Variants in NCF2 observed in about 807,000 individuals in gnomAD.
The protein encoded by NCF2 is neutrophil cytosol factor 2.
NCF2 carries 45 observed loss-of-function variants against 70.9 expected under a neutral mutation model. The observed-to-expected ratio is 0.63, with a 90% CI of 0.50 to 0.81. The LOEUF (loss-of-function observed/expected upper bound fraction) is 0.81. Among genes scored for constraint, NCF2 ranks in the 40% least tolerant of loss-of-function variants. NCF2 has a pLI of 0.00. For synonymous variants in NCF2, 203 were observed against 233.6 expected, an observed-to-expected ratio of 0.87 and a Z score of 1.19; for missense variants, 522 against 631.6, an observed-to-expected ratio of 0.83 and a Z score of 1.86.
chr1:183,567,897 C>T (rs1162944840), intron 7 of NCF2, among the ~76,000 whole-genome samples: 1 of 152,158 alleles, frequency 6.6e-6, no homozygotes, highest in East Asian at 1.9e-4. Context: ...TGCCGTGGTG[C>T]AGTGTCGGTT....
At chr1:183,562,192 C>T (rs2102880069) in intron 13 of NCF2, among the ~76,000 whole-genome samples, 1 of 152,140 alleles carries the variant, frequency 6.6e-6, no homozygotes, top group Non-Finnish European at 1.5e-5. Flanking sequence ...TGGCTATGTG[C>T]AGCCACCAAA....
intron 11 of NCF2, 168 bp from the exon 12 acceptor site, chr1:183,563,753 A>T: frequency 1.1e-6 from 1 of 875,260 alleles, no homozygotes; most frequent in Non-Finnish European, 1.8e-6. Context: ...GAGGTCCTTT[A>T]GCCCAACCCT....
At chr1:183,599,582 C>T in the NCF2 span, among the ~76,000 whole-genome samples, 1 of 149,298 alleles carries the variant, frequency 6.7e-6, no homozygotes, top group Non-Finnish European at 1.5e-5. Flanking sequence ...GATGGAGTCT[C>T]GCTGTGTCAC....
chr1:183,579,167 C>T (rs1002696707), intron 2 of NCF2, among the ~76,000 whole-genome samples: 89 of 152,334 alleles, frequency 5.8e-4, no homozygotes, highest in African/African-American at 2.1e-3. Context: ...GAGCCAGAGT[C>T]CAGATCCAAC....
chr1:183,588,259 T>C (rs997146048), intron 1 of NCF2, among the ~76,000 whole-genome samples: 1 of 152,148 alleles, frequency 6.6e-6, no homozygotes, highest in Non-Finnish European at 1.5e-5. Flanking sequence ...TAATTACTAT[T>C]TATTGCTCTG....
intron 2 of NCF2, among the ~76,000 whole-genome samples, chr1:183,579,696 AC>A (rs1672968875): frequency 7.2e-6 from 1 of 139,294 alleles, no homozygotes; most frequent in Admixed American, 8.2e-5. Flanking sequence ...CAGAGATCAC[AC>A]CACTGCACTC....
chr1:183,599,482 C>CTTTCTTTCTTTCTTTCTT, the NCF2 span, among the ~76,000 whole-genome samples: 6 of 73,032 alleles, frequency 8.2e-5, no homozygotes, highest in African/African-American at 2.7e-4. Context: ...TTCTTTCTTT[C>CTTTCTTTCTTTCTTTCTT]TCTTTTCTTT....
At chr1:183,565,489 A>G (rs535658703) in intron 10 of NCF2, among the ~76,000 whole-genome samples, 1 of 152,244 alleles carries the variant, frequency 6.6e-6, no homozygotes, top group East Asian at 1.9e-4. Context: ...AAGCCCCGTG[A>G]GTGTTCTGCA....
At chr1:183,589,577 A>T (rs1673543574) in intron 1 of NCF2, among the ~76,000 whole-genome samples, 1 of 152,232 alleles carries the variant, frequency 6.6e-6, no homozygotes, top group African/African-American at 2.4e-5. Flanking sequence ...GAGACATCCC[A>T]CACCATGCCC....
intron 5 of NCF2, among the ~76,000 whole-genome samples, chr1:183,572,973 C>T (rs1406083850): frequency 6.6e-6 from 1 of 152,188 alleles, no homozygotes; most frequent in Non-Finnish European, 1.5e-5. Context: ...CAGGGTCGAG[C>T]TGGAAGGGAG....
Position 183,590,441 on chromosome 1 carries a change from T to C in NCF2, c.-112A>G, listed in dbSNP as rs754832075. ...AGTGGCCCCCAAGGTGTTCACTTTC[T>C]GGGCCAGATGAGTAGAATGGGGCCC... On this transcript the variant is annotated 5_prime_UTR_variant, in exon 1 of 15. Transcript: ENST00000367535. The C allele has an allele frequency of 1.7e-6, 2 of 1,166,698 alleles. No individual in the cohort carries two copies. The highest frequency in any genetic ancestry group is 2.5e-6 in the Non-Finnish European group (2 of 790,416). The allele number at this position is 1,166,698 out of a possible 1,614,324, so 72.3% of individuals were successfully genotyped here.
the NCF2 span, among the ~76,000 whole-genome samples, chr1:183,600,357 C>A: frequency 6.6e-6 from 1 of 152,194 alleles, no homozygotes; most frequent in African/African-American, 2.4e-5. Context: ...GAAGTGCACC[C>A]AACTCTTGTG....
chr1:183,559,857 T>TCAAAAA (rs933425397), intron 14 of NCF2, among the ~76,000 whole-genome samples: 4 of 152,110 alleles, frequency 2.6e-5, no homozygotes, highest in African/African-American at 4.8e-5. Context: ...GGACTCTGTC[T>TCAAAAA]CAAAAACAAA....
the NCF2 span, among the ~76,000 whole-genome samples, chr1:183,599,483 T>TTTCTTTCTTTC: frequency 1.3e-3 from 94 of 72,226 alleles, no homozygotes; most frequent in Middle Eastern, 5.7e-3. Context: ...TCTTTCTTTC[T>TTTCTTTCTTTC]CTTTTCTTTC....
At chr1:183,586,590 T>C (rs1446702488) in intron 2 of NCF2, among the ~76,000 whole-genome samples, 1 of 152,176 alleles carries the variant, frequency 6.6e-6, no homozygotes, top group Admixed American at 6.5e-5. Context: ...GAGACCTACA[T>C]GGGTGACCCC....
chr1:183,596,029 T>A, the NCF2 span, among the ~76,000 whole-genome samples: 1 of 151,978 alleles, frequency 6.6e-6, no homozygotes, highest in Non-Finnish European at 1.5e-5. Context: ...TCTCTCTACC[T>A]CTCCTAATGT....
upstream of NCF2, among the ~76,000 whole-genome samples, chr1:183,595,453 C>G (rs758802467): frequency 6.0e-4 from 92 of 152,216 alleles, no homozygotes; most frequent in Admixed American, 2.0e-3. Flanking sequence ...AAATAACACA[C>G]ATGTACTATG....
chr1:183,585,949 T>C lies in NCF2; in HGVS notation c.257+946A>G, dbSNP rs540288856. ...TAATCCCACCATCCAGAGAGAATTA[T>C]TGATAACATTTTGATCTATGGCCTT... On this transcript the variant is annotated intron_variant, in intron 2 of 14. Transcript: ENST00000367535. Among the ~76,000 whole-genome samples the C allele has an allele frequency of 3.7e-4, 57 of 152,364 alleles. No homozygotes were observed. The South Asian group carries it at 4.8e-3, about 13-fold the overall frequency.
Position 183,567,254 on chromosome 1 carries a change from CA to C in NCF2, c.804del (p.Phe268LeufsTer3). Reference sequence around the variant, plus strand: ...CAGTTATCATTGCCCTTCTTCAAGACAAAGACAATGTTCCCTGGCATGACCT... The same window carrying C: ...CAGTTATCATTGCCCTTCTTCAAGACAAGACAATGTTCCCTGGCATGACCT... The part of the protein sequence containing the change: ...ELQVMPGNIV[F>X]VLKKGNDNWA... On this transcript the variant is annotated frameshift_variant, in exon 8 of 15. Transcript: ENST00000367535. LOFTEE classifies it high-confidence loss of function. 6.2e-7 allele frequency: 1 copy of C among 1,614,168 alleles called. No individual in the cohort carries two copies. The highest frequency in any genetic ancestry group is 8.5e-7 in the Non-Finnish European group (1 of 1,180,038).
Sources: gnomAD v4.1 joint callset for allele counts (sites outside exome capture counted in the v4.1 genomes callset) on GRCh38, gnomAD v4.1.1 for gene constraint, MANE v1.5 for transcripts, NCBI Gene and HGNC (gene_info 2026-07-23, HGNC 2026-07-21) for gene names.